The following MACROD2 variants were observed in gnomAD, a reference collection of about 807,000 sequenced individuals.
MACROD2 encodes the protein mono-ADP ribosylhydrolase 2.
Under a neutral mutation model 70.4 loss-of-function variants are expected in MACROD2, and 36 were observed. That is an observed-to-expected ratio of 0.51 (90% CI 0.39 to 0.68). The LOEUF (loss-of-function observed/expected upper bound fraction) is 0.68, where lower values mean the gene tolerates loss of function less well. Among genes scored for constraint, MACROD2 ranks in the 30% least tolerant of loss-of-function variants. MACROD2 has a pLI of 0.00. For synonymous variants in MACROD2, 172 were observed against 178.8 expected, an observed-to-expected ratio of 0.96 and a Z score of 0.30; for missense variants, 496 against 538.4, an observed-to-expected ratio of 0.92 and a Z score of 0.78.
intron 4 of MACROD2, among the ~76,000 whole-genome samples, chr20:14,543,790 C>T (rs1398533557): frequency 1.3e-5 from 2 of 152,134 alleles, no homozygotes; most frequent in Admixed American, 6.5e-5. Context: ...AAGCACAAGT[C>T]CTTCTCTCTG....
At chr20:15,236,044 AAG>A (rs1212669612) in intron 6 of MACROD2, among the ~76,000 whole-genome samples, 7 of 152,216 alleles carry the variant, frequency 4.6e-5, no homozygotes, top group Non-Finnish European at 1.0e-4. Flanking sequence ...AACAAGAACA[AAG>A]GCACTTTTGC....
At chr20:15,059,393 A>G (rs2075513840) in intron 5 of MACROD2, among the ~76,000 whole-genome samples, 1 of 142,402 alleles carries the variant, frequency 7.0e-6, no homozygotes, top group Admixed American at 7.1e-5. Flanking sequence ...TCAAAAAAAA[A>G]GAATAGAAAA....
chr20:15,710,014 T>C (rs1257757097), intron 8 of MACROD2, among the ~76,000 whole-genome samples: 1 of 152,054 alleles, frequency 6.6e-6, no homozygotes, highest in Non-Finnish European at 1.5e-5. Flanking sequence ...TTTTAGCTTC[T>C]ACAGACTCTG....
intron 15 of MACROD2, among the ~76,000 whole-genome samples, chr20:16,001,973 C>A (rs900721594): frequency 6.6e-6 from 1 of 151,034 alleles, no homozygotes; most frequent in Admixed American, 6.6e-5. Flanking sequence ...CTAAAACTTG[C>A]GTAACATCTA....
At chr20:15,766,881 C>G (rs2147008093) in intron 8 of MACROD2, among the ~76,000 whole-genome samples, 1 of 152,314 alleles carries the variant, frequency 6.6e-6, no homozygotes. Context: ...AACTGGCTGG[C>G]CCAGGCTTGT....
At chr20:13,996,140 A>C (rs1412075535) in intron 1 of MACROD2, among the ~76,000 whole-genome samples, 4 of 135,460 alleles carry the variant, frequency 3.0e-5, no homozygotes, top group African/African-American at 8.7e-5. Context: ...CGGGCGCGGC[A>C]CAAGTTCCTC....
intron 5 of MACROD2, among the ~76,000 whole-genome samples, chr20:14,791,421 A>T (rs1182653146): frequency 1.3e-5 from 2 of 152,108 alleles, no homozygotes; most frequent in Non-Finnish European, 2.9e-5. Context: ...TCAGTTGAGA[A>T]CACTAACACC....
At chr20:13,996,257 C>A (rs1398913942) in intron 1 of MACROD2, 1 of 198,286 alleles carries the variant, frequency 5.0e-6, no homozygotes, top group Non-Finnish European at 1.0e-5. Context: ...GCGCTCCGTG[C>A]ACCCTCATTT....
chr20:14,362,026 T>A (rs2083226696), intron 3 of MACROD2, among the ~76,000 whole-genome samples: 1 of 152,234 alleles, frequency 6.6e-6, no homozygotes, highest in African/African-American at 2.4e-5. Context: ...GTCATGTTTA[T>A]AGCTTTAGTA....
At chr20:15,940,258 TC>T (rs1337146998) in intron 12 of MACROD2, among the ~76,000 whole-genome samples, 1 of 42,140 alleles carries the variant, frequency 2.4e-5, no homozygotes, top group Non-Finnish European at 6.0e-5. Flanking sequence ...ACCTGGCTCT[TC>T]TTTTTTTTTT....
At chr20:14,670,653 A>G (rs1263476125) in intron 4 of MACROD2, among the ~76,000 whole-genome samples, 2 of 152,206 alleles carry the variant, frequency 1.3e-5, no homozygotes, top group Non-Finnish European at 2.9e-5. Context: ...GCTTCAAGTT[A>G]CAGAAACACC....
chr20:16,030,080 G>C (rs1164744526), intron 15 of MACROD2, among the ~76,000 whole-genome samples: 4 of 152,102 alleles, frequency 2.6e-5, no homozygotes. Flanking sequence ...AGGGAACAGA[G>C]GAACTTTCAG....
At chr20:15,174,301 A>G (rs1024092647) in intron 5 of MACROD2, among the ~76,000 whole-genome samples, 1 of 152,170 alleles carries the variant, frequency 6.6e-6, no homozygotes, top group African/African-American at 2.4e-5. Flanking sequence ...TTAGGAGAAG[A>G]ATTTTAAATT....
intron 3 of MACROD2, among the ~76,000 whole-genome samples, chr20:14,448,926 G>A (rs2084214998): frequency 6.6e-6 from 1 of 151,916 alleles, no homozygotes. Flanking sequence ...AACTCATTGA[G>A]GATTGATCGG....
intron 5 of MACROD2, among the ~76,000 whole-genome samples, chr20:14,992,797 A>AT (rs957217931): frequency 6.6e-6 from 1 of 150,470 alleles, no homozygotes; most frequent in South Asian, 2.1e-4. Flanking sequence ...TTTCTTTGAA[A>AT]TTTTTTTAAA....
At chr20:14,912,156 G>C (rs962709) in intron 5 of MACROD2, among the ~76,000 whole-genome samples, 138,060 of 152,168 alleles carry the variant, frequency 0.91, 62,810 homozygotes, top group East Asian at 1. Context: ...TACTCTTCCT[G>C]CACTTGTCTG....
intron 2 of MACROD2, among the ~76,000 whole-genome samples, chr20:14,040,911 A>G (rs537474044): frequency 6.6e-6 from 1 of 152,338 alleles, no homozygotes; most frequent in South Asian, 2.1e-4. Flanking sequence ...ATCTAATAGC[A>G]GAGATAAGTA....
chr20:14,739,649 A>G (rs2071710017), intron 5 of MACROD2, among the ~76,000 whole-genome samples: 1 of 152,054 alleles, frequency 6.6e-6, no homozygotes, highest in Non-Finnish European at 1.5e-5. Flanking sequence ...AAAAATATAT[A>G]AATGCTTTTG....
At chr20:15,092,664 A>G (rs2123168847) in intron 5 of MACROD2, among the ~76,000 whole-genome samples, 2 of 152,172 alleles carry the variant, frequency 1.3e-5, no homozygotes, top group South Asian at 2.1e-4. Context: ...CTTTTATCAA[A>G]ACAGCAGCTA....
Sources: allele counts gnomAD v4.1 joint callset (sites outside exome capture counted in the v4.1 genomes callset), GRCh38; gene constraint gnomAD v4.1.1; transcripts MANE v1.5; gene names NCBI Gene and HGNC (gene_info 2026-07-23, HGNC 2026-07-21).